TIAM2: variants seen among roughly 807,000 people sequenced by gnomAD.
TIAM2 encodes the protein TIAM Rac1 associated GEF 2.
In TIAM2, 80 loss-of-function variants were observed where a neutral mutation model predicts 152.9. The ratio of observed to expected loss-of-function variants is 0.52; its 90% CI spans 0.44 to 0.63. TIAM2 has a LOEUF of 0.63. TIAM2 is among the 30% of genes least tolerant of loss of function. The probability of loss-of-function intolerance (pLI) is 0.00; values close to 1 mark genes in which losing one functional copy is unlikely to be tolerated. For synonymous variants in TIAM2, 804 were observed against 838.0 expected (o/e 0.96, Z 0.70); for missense variants, 1,965 against 2,120.1 (o/e 0.93, Z 1.44).
chr6:155,157,016 C>T (rs1162890311), intron 7 of TIAM2, among the ~76,000 whole-genome samples: 1 of 152,216 alleles, frequency 6.6e-6, no homozygotes, highest in Non-Finnish European at 1.5e-5. Context: ...TCATCCATGG[C>T]TTTGTCATGA....
At chr6:155,134,478 C>G (rs1779514420) in intron 4 of TIAM2, among the ~76,000 whole-genome samples, 2 of 139,952 alleles carry the variant, frequency 1.4e-5, no homozygotes, top group South Asian at 4.5e-4. Context: ...AGTTGAGAAG[C>G]AGTGTCAAGA....
chr6:155,114,614 G>A (rs898471560), intron 2 of TIAM2, among the ~76,000 whole-genome samples: 7 of 152,046 alleles, frequency 4.6e-5, no homozygotes, highest in African/African-American at 1.7e-4. Context: ...TCTTTATAAG[G>A]CAGTAGACTG....
chr6:155,078,007 C>G (rs1777993574), intron 1 of TIAM2, among the ~76,000 whole-genome samples: 1 of 152,098 alleles, frequency 6.6e-6, no homozygotes, highest in South Asian at 2.1e-4. Context: ...TGGTGACAGT[C>G]TAGTGCTGTG....
intron 19 of TIAM2, among the ~76,000 whole-genome samples, chr6:155,246,526 G>A (rs1051190407): frequency 6.6e-6 from 1 of 152,066 alleles, no homozygotes; most frequent in African/African-American, 2.4e-5. Context: ...TCGTAGAAAT[G>A]GGTCTCACTG....
chr6:155,064,926 G>A (rs765185107), intron 1 of TIAM2, among the ~76,000 whole-genome samples: 11 of 151,308 alleles, frequency 7.3e-5, no homozygotes, highest in Admixed American at 1.3e-4. Flanking sequence ...GGAGGATATC[G>A]GCAAAATTAA....
At chr6:155,211,429 C>A in intron 15 of TIAM2, 122 bp downstream of exon 15, 2 of 672,974 alleles carry the variant, frequency 3.0e-6, no homozygotes, top group Non-Finnish European at 2.6e-6. Flanking sequence ...TTGATACAAA[C>A]ATACATATAT....
In TIAM2 at chr6:155,146,594, CATT is replaced by C. The variant is rs141363452; in HGVS notation, c.1804-1500_1804-1498del. On this transcript the variant is annotated intron_variant, in intron 6 of 26. Coordinates refer to ENST00000682666, the MANE Select transcript of TIAM2 (RefSeq NM_012454.4). ...AATATTTTTCTTTTAAAAAATGTAT[CATT>C]ATTATTATTATTATTTGAGATGGAG... 6.8e-3 allele frequency among the ~76,000 whole-genome samples: 1,028 copies of C among 151,528 alleles called. 24 individuals carry two copies. Among genetic ancestry groups the C allele is most frequent in the African/African-American group, 0.024 (976 of 41,266 alleles).
At chr6:155,117,979 A>G (rs1242034087) in intron 2 of TIAM2, among the ~76,000 whole-genome samples, 1 of 152,190 alleles carries the variant, frequency 6.6e-6, no homozygotes, top group East Asian at 1.9e-4. Context: ...CAATACTTTG[A>G]ACATTTTCTT....
At chr6:155,179,264 C>T in intron 11 of TIAM2, 114 bp from the exon 12 acceptor site, 4 of 1,421,830 alleles carry the variant, frequency 2.8e-6, no homozygotes, top group Non-Finnish European at 2.0e-6. Context: ...GAAACAGTCT[C>T]TATATAAACG....
intron 2 of TIAM2, among the ~76,000 whole-genome samples, chr6:155,103,723 C>CAAAA (rs759945340): frequency 1.2e-3 from 70 of 59,638 alleles, no homozygotes; most frequent in Middle Eastern, 0.015. Context: ...GACTCTGTCT[C>CAAAA]AAAAAAAAAA....
intron 1 of TIAM2, among the ~76,000 whole-genome samples, chr6:155,067,017 A>G (rs761916281): frequency 6.6e-6 from 1 of 152,210 alleles, no homozygotes; most frequent in Non-Finnish European, 1.5e-5. Flanking sequence ...TCGGTCTTCC[A>G]GAGAGCTGAG....
intron 1 of TIAM2, among the ~76,000 whole-genome samples, chr6:155,015,495 A>T (rs529218750): frequency 6.6e-6 from 1 of 152,194 alleles, no homozygotes; most frequent in African/African-American, 2.4e-5. Flanking sequence ...GTGCAAAGAG[A>T]GGCAAAAAAG....
rs1215398307 is a variant in TIAM2 at position 155,257,099 on chromosome 6, CAG to C, written c.5089_5090del (p.Ser1697ProfsTer7). The C allele has an allele frequency of 1.2e-6, 2 of 1,601,182 alleles. No individual in the cohort carries two copies. Among genetic ancestry groups the C allele is most frequent in the Non-Finnish European group, 1.7e-6 (2 of 1,174,472 alleles). ...GTCAGTGAGGAGTGTTTTTATGAAA[CAG>C]AGAGCCACGGAAAATCATAGTATGA... is the stretch of plus-strand genomic sequence containing the variant. On this transcript the variant is annotated frameshift_variant, in exon 27 of 27. Transcript: ENST00000682666. LOFTEE classifies it high-confidence loss of function.
chr6:155,206,126 C>T (rs1781588640), intron 14 of TIAM2, among the ~76,000 whole-genome samples: 1 of 152,190 alleles, frequency 6.6e-6, no homozygotes. Flanking sequence ...GACCAGGTGT[C>T]TCAAACCTAA....
chr6:155,041,631 T>C (rs1777049595), intron 1 of TIAM2, among the ~76,000 whole-genome samples: 1 of 152,188 alleles, frequency 6.6e-6, no homozygotes, highest in African/African-American at 2.4e-5. Flanking sequence ...TTTGATTTGA[T>C]CACAGTTGTT....
chr6:155,222,802 A>G (rs1782102412), intron 15 of TIAM2, among the ~76,000 whole-genome samples: 1 of 152,074 alleles, frequency 6.6e-6, no homozygotes, highest in African/African-American at 2.4e-5. Flanking sequence ...CCTGATCCAA[A>G]GCAGCTTTCT....
chr6:155,071,651 T>A (rs1777840224), intron 1 of TIAM2, among the ~76,000 whole-genome samples: 1 of 152,154 alleles, frequency 6.6e-6, no homozygotes, highest in Non-Finnish European at 1.5e-5. Context: ...ACGCCTGTAA[T>A]CCGAGCACTT....
chr6:155,031,336 G>T (rs1002542847), intron 1 of TIAM2, among the ~76,000 whole-genome samples: 3 of 152,148 alleles, frequency 2.0e-5, no homozygotes, highest in African/African-American at 7.2e-5. Flanking sequence ...CACTGTTGCT[G>T]ATACTTCACA....
At chr6:155,230,533 C>G (rs1449705080) in intron 15 of TIAM2, among the ~76,000 whole-genome samples, 1 of 33,498 alleles carries the variant, frequency 3.0e-5, no homozygotes, top group Non-Finnish European at 5.0e-5. Context: ...CAGCCAGACT[C>G]AAGGAGTGAT....
Sources: gnomAD v4.1 joint callset for allele counts (sites outside exome capture counted in the v4.1 genomes callset) on GRCh38, gnomAD v4.1.1 for gene constraint, MANE v1.5 for transcripts, NCBI Gene and HGNC (gene_info 2026-07-23, HGNC 2026-07-21) for gene names.